Variants in ACYP2 observed in about 807,000 individuals in gnomAD.
ACYP2 encodes acylphosphatase-2.
ACYP2 carries 12 observed loss-of-function variants against 11.2 expected under a neutral mutation model. The ratio of observed to expected loss-of-function variants is 1.08; its 90% CI spans 0.69 to 1.74. The LOEUF is 1.74. Among genes scored for constraint, ACYP2 ranks in the 40% most tolerant of loss-of-function variants. The pLI is 0.00. For synonymous variants in ACYP2, 43 were observed against 32.2 expected, an observed-to-expected ratio of 1.33 and a Z score of -1.13; for missense variants, 134 against 101.9, an observed-to-expected ratio of 1.31 and a Z score of -1.35.
intron 6 of ACYP2, among the ~76,000 whole-genome samples, chr2:54,229,490 G>T (rs767791807): frequency 6.6e-6 from 1 of 152,152 alleles, no homozygotes; most frequent in Non-Finnish European, 1.5e-5. Flanking sequence ...AACTTTTGCA[G>T]AATGTATATT....
At chr2:54,046,234 G>C (rs190176567) in intron 2 of ACYP2, among the ~76,000 whole-genome samples, 1 of 151,288 alleles carries the variant, frequency 6.6e-6, no homozygotes, top group East Asian at 1.9e-4. Context: ...CCAGCAATTT[G>C]GGGGGAGGCT....
chr2:54,261,095 C>T (rs912963327), intron 6 of ACYP2, among the ~76,000 whole-genome samples: 2 of 152,094 alleles, frequency 1.3e-5, no homozygotes, highest in African/African-American at 4.8e-5. Context: ...TTATACATCT[C>T]CCCAAGGGTA....
chr2:54,034,829 T>C (rs1164663501), intron 2 of ACYP2, among the ~76,000 whole-genome samples: 1 of 151,682 alleles, frequency 6.6e-6, no homozygotes, highest in Non-Finnish European at 1.5e-5. Context: ...GCCAACATAG[T>C]AAAACCCCGT....
At chr2:53,991,613 C>T (rs1672299419) in intron 2 of ACYP2, among the ~76,000 whole-genome samples, 1 of 151,924 alleles carries the variant, frequency 6.6e-6, no homozygotes, top group African/African-American at 2.4e-5. Context: ...CCATGTTGGT[C>T]AGGTTGGTGT....
chr2:54,233,436 A>C (rs1404367571), intron 6 of ACYP2, among the ~76,000 whole-genome samples: 2 of 151,262 alleles, frequency 1.3e-5, no homozygotes, highest in Non-Finnish European at 2.9e-5. Flanking sequence ...AGCTGGGACT[A>C]CAGGCATGAG....
Position 54,069,657 on chromosome 2 carries a change from G to A in ACYP2, c.277+12297G>A, listed in dbSNP as rs553713008. On this transcript the variant is annotated intron_variant, in intron 4 of 6. Coordinates refer to ENST00000607452, the MANE Select transcript of ACYP2 (RefSeq NM_001320586.2). ...AGCCTGGGTGACAGAGCAAGACTCC[G>A]TCTCAAAAAAACAAAAAACAAAAAA... Among the ~76,000 whole-genome samples, 31 of 151,778 alleles carry A rather than the reference G, an allele frequency of 2.0e-4. No individual in the cohort carries two copies. In the South Asian group the frequency reaches 2.3e-3, roughly 11 times the overall value.
intron 2 of ACYP2, among the ~76,000 whole-genome samples, chr2:54,010,330 A>G (rs1481752791): frequency 6.6e-6 from 1 of 152,134 alleles, no homozygotes; most frequent in Admixed American, 6.5e-5. Context: ...CTAAAAATAC[A>G]AAAATTAGTT....
intron 4 of ACYP2, among the ~76,000 whole-genome samples, chr2:54,081,608 C>A (rs555382039): frequency 3.3e-5 from 5 of 152,326 alleles, no homozygotes; most frequent in South Asian, 4.1e-4. Context: ...AATGCTTGCC[C>A]AGTGATGAAA....
chr2:54,277,576 G>A (rs1390296328), intron 6 of ACYP2, among the ~76,000 whole-genome samples: 1 of 152,142 alleles, frequency 6.6e-6, no homozygotes, highest in African/African-American at 2.4e-5. Flanking sequence ...TACTCAGGAG[G>A]CTGAGGCAGG....
intron 6 of ACYP2, among the ~76,000 whole-genome samples, chr2:54,270,141 C>T (rs1688216818): frequency 6.6e-6 from 1 of 151,932 alleles, no homozygotes; most frequent in African/African-American, 2.4e-5. Context: ...TAACTTCTTC[C>T]CTGTTTCCTA....
chr2:53,995,149 G>A (rs1178146150), intron 2 of ACYP2, among the ~76,000 whole-genome samples: 144 of 152,296 alleles, frequency 9.5e-4, no homozygotes, highest in Non-Finnish European at 1.6e-3. Flanking sequence ...TCTAGCTGCA[G>A]CTCTTCTCTC....
intron 4 of ACYP2, among the ~76,000 whole-genome samples, chr2:54,105,935 G>T (rs566821793): frequency 6.6e-6 from 1 of 151,808 alleles, no homozygotes; most frequent in Non-Finnish European, 1.5e-5. Context: ...GAATTTTTCC[G>T]CAAAAGGCCG....
chr2:54,233,471 A>G (rs529118500), intron 6 of ACYP2, among the ~76,000 whole-genome samples: 11 of 152,010 alleles, frequency 7.2e-5, no homozygotes, highest in African/African-American at 2.7e-4. Flanking sequence ...TAACCTGGCT[A>G]ATTTTTGCAT....
intron 6 of ACYP2, among the ~76,000 whole-genome samples, chr2:54,249,171 T>C (rs1383368451): frequency 1.3e-5 from 2 of 152,046 alleles, no homozygotes; most frequent in African/African-American, 4.8e-5. Flanking sequence ...TTGTCAATAG[T>C]GTAAATGATG....
At chr2:54,010,476 C>A (rs1347867177) in intron 2 of ACYP2, among the ~76,000 whole-genome samples, 1 of 116,332 alleles carries the variant, frequency 8.6e-6, no homozygotes, top group Non-Finnish European at 1.7e-5. Flanking sequence ...AAGAGTTAAA[C>A]TCTGTCTCAA....
chr2:54,278,481 T>G (rs1435378927), intron 6 of ACYP2, among the ~76,000 whole-genome samples: 1 of 152,222 alleles, frequency 6.6e-6, no homozygotes, highest in African/African-American at 2.4e-5. Context: ...TTATCTGGCA[T>G]GGTAATGCCA....
intron 6 of ACYP2, among the ~76,000 whole-genome samples, chr2:54,243,526 G>A (rs917759864): frequency 4.2e-4 from 63 of 151,558 alleles, no homozygotes; most frequent in African/African-American, 1.3e-3. Context: ...ATGGAGTCTC[G>A]CTCTGTCGCC....
intron 6 of ACYP2, among the ~76,000 whole-genome samples, chr2:54,219,716 T>G (rs1685700647): frequency 6.6e-6 from 1 of 151,770 alleles, no homozygotes; most frequent in Non-Finnish European, 1.5e-5. Context: ...CCTCCTGGGT[T>G]CAAGCAATTC....
At chr2:54,205,519 T>C (rs1299227059) in intron 6 of ACYP2, among the ~76,000 whole-genome samples, 1 of 152,216 alleles carries the variant, frequency 6.6e-6, no homozygotes, top group Non-Finnish European at 1.5e-5. Flanking sequence ...CTCTTTGAGA[T>C]GGCTTGAGTT....
Sources: allele counts gnomAD v4.1 joint callset (sites outside exome capture counted in the v4.1 genomes callset), GRCh38; gene constraint gnomAD v4.1.1; transcripts MANE v1.5; gene names NCBI Gene and HGNC (gene_info 2026-07-23, HGNC 2026-07-21).